The following CDH18 variants were observed in gnomAD, a reference collection of about 807,000 sequenced individuals.
CDH18 encodes cadherin-18.
A neutral mutation model predicts 67.9 loss-of-function variants in CDH18; 31 were observed. The observed-to-expected ratio is 0.46, with a 90% confidence interval of 0.34 to 0.62. The LOEUF is 0.62. Among genes scored for constraint, CDH18 ranks in the 20% least tolerant of loss-of-function variants. The pLI is 0.01. For missense variants in CDH18, 890 were observed against 975.5 expected, an observed-to-expected ratio of 0.91 and a Z score of 1.17; for synonymous variants, 362 against 347.2, an observed-to-expected ratio of 1.04 and a Z score of -0.48.
intron 1 of CDH18, among the ~76,000 whole-genome samples, chr5:20,530,291 A>G (rs1756319014): frequency 6.6e-6 from 1 of 152,038 alleles, no homozygotes; most frequent in African/African-American, 2.4e-5. Context: ...AATCAATATG[A>G]AAATGGCGAT....
At chr5:19,849,967 G>C (rs532644345) in intron 2 of CDH18, among the ~76,000 whole-genome samples, 1 of 151,760 alleles carries the variant, frequency 6.6e-6, no homozygotes, top group Admixed American at 6.6e-5. Context: ...TTCTGTCTTA[G>C]TCCAGCATCT....
chr5:19,870,363 T>G lies in CDH18; in HGVS notation c.-256-31121A>C, dbSNP rs1581722964. On this transcript the variant is annotated intron_variant, in intron 2 of 12. Transcript: ENST00000382275. ...ACTTTATGCTATCCTAATACAGTTT[T>G]GGGAGAAAAGATAGTTTTCTCTAGA... is the stretch of plus-strand genomic sequence containing the variant. 2.0e-5 allele frequency among the ~76,000 whole-genome samples: 3 copies of G among 152,308 alleles called. No individual in the cohort carries two copies. In the South Asian group the frequency reaches 6.2e-4, roughly 32 times the overall value.
chr5:19,534,154 C>T (rs530530579), intron 9 of CDH18, among the ~76,000 whole-genome samples: 28 of 152,008 alleles, frequency 1.8e-4, no homozygotes, highest in African/African-American at 6.8e-4. Context: ...AGGAGTTAAC[C>T]ATGAGCAATA....
rs75093829 is a variant in CDH18, at chr5:19,711,387, C to T, written c.643+9960G>A. On this transcript the variant is annotated intron_variant, in intron 5 of 12. Coordinates refer to ENST00000382275, the MANE Select transcript of CDH18 (RefSeq NM_004934.5). Reference sequence around the variant, plus strand: ...CAGAATCTACAACGAATGCATACAACTCATAAACTACAACAACAACAACAA... The same window carrying T: ...CAGAATCTACAACGAATGCATACAATTCATAAACTACAACAACAACAACAA... Among the ~76,000 whole-genome samples the T allele has an allele frequency of 3.9e-3, 586 of 151,570 alleles. 2 individuals carry two copies. Among genetic ancestry groups the T allele is most frequent in the African/African-American group, 0.014 (568 of 41,312 alleles).
chr5:20,280,140 CT>C (rs1746134629), intron 1 of CDH18, among the ~76,000 whole-genome samples: 1 of 151,276 alleles, frequency 6.6e-6, no homozygotes, highest in African/African-American at 2.4e-5. Context: ...TATGACATTT[CT>C]TTTCTTTTTA....
At chr5:20,498,527 A>C (rs1010018868) in intron 1 of CDH18, among the ~76,000 whole-genome samples, 5 of 152,144 alleles carry the variant, frequency 3.3e-5, no homozygotes, top group Non-Finnish European at 7.4e-5. Flanking sequence ...GACTTAAAAA[A>C]GTGAGAGTTA....
intron 1 of CDH18, among the ~76,000 whole-genome samples, chr5:20,273,570 A>G (rs1248818783): frequency 6.6e-6 from 1 of 152,094 alleles, no homozygotes; most frequent in Non-Finnish European, 1.5e-5. Flanking sequence ...TTGATATTTC[A>G]GGTTTAGTGT....
At chr5:19,833,862 G>A (rs916422948) in intron 3 of CDH18, among the ~76,000 whole-genome samples, 1 of 152,072 alleles carries the variant, frequency 6.6e-6, no homozygotes, top group African/African-American at 2.4e-5. Flanking sequence ...TGAATCCCAG[G>A]GATGAAGCTA....
intron 1 of CDH18, among the ~76,000 whole-genome samples, chr5:20,401,155 G>T (rs1052166337): frequency 1.8e-4 from 27 of 152,156 alleles, no homozygotes; most frequent in Non-Finnish European, 2.9e-4. Flanking sequence ...CAACTGTCTT[G>T]AAATAATATT....
At chr5:19,673,394 G>T (rs1295170403) in intron 5 of CDH18, among the ~76,000 whole-genome samples, 1 of 151,822 alleles carries the variant, frequency 6.6e-6, no homozygotes, top group Non-Finnish European at 1.5e-5. Context: ...ATGATAGTTT[G>T]GAAATGTTAT....
intron 1 of CDH18, among the ~76,000 whole-genome samples, chr5:20,335,353 T>C (rs1023348218): frequency 6.6e-6 from 1 of 152,198 alleles, no homozygotes; most frequent in African/African-American, 2.4e-5. Context: ...TTCACTGTTA[T>C]TTCCTTCAGA....
intron 2 of CDH18, among the ~76,000 whole-genome samples, chr5:20,038,583 T>C (rs1251499592): frequency 1.3e-5 from 2 of 152,144 alleles, no homozygotes; most frequent in African/African-American, 2.4e-5. Flanking sequence ...AACAACCCAA[T>C]GACAAAAGCC....
At chr5:20,025,449 T>G (rs540541160) in intron 2 of CDH18, among the ~76,000 whole-genome samples, 1 of 152,212 alleles carries the variant, frequency 6.6e-6, no homozygotes, top group Non-Finnish European at 1.5e-5. Context: ...ATAATTCTAC[T>G]GTTTTTTTAT....
intron 2 of CDH18, among the ~76,000 whole-genome samples, chr5:20,005,089 A>G (rs1736780488): frequency 6.6e-6 from 1 of 152,230 alleles, no homozygotes; most frequent in Non-Finnish European, 1.5e-5. Context: ...AGGGAATAAT[A>G]GGAAAATACG....
intron 2 of CDH18, among the ~76,000 whole-genome samples, chr5:20,131,154 A>C (rs2126474630): frequency 6.6e-6 from 1 of 152,220 alleles, no homozygotes; most frequent in East Asian, 1.9e-4. Context: ...CTTTTTAAAA[A>C]TGTATTCTTC....
chr5:20,417,727 A>G (rs899216949), intron 1 of CDH18, among the ~76,000 whole-genome samples: 1 of 152,144 alleles, frequency 6.6e-6, no homozygotes, highest in Non-Finnish European at 1.5e-5. Context: ...AATATGGTGC[A>G]CTGTATCATC....
chr5:20,255,313 T>C (rs1276732591), intron 2 of CDH18: 1 of 152,230 alleles, frequency 6.6e-6, no homozygotes, highest in African/African-American at 2.4e-5. Flanking sequence ...AGTGTAATTC[T>C]AGATGATCCT....
chr5:19,703,750 G>A (rs1300320088), intron 5 of CDH18, among the ~76,000 whole-genome samples: 3 of 150,666 alleles, frequency 2.0e-5, no homozygotes, highest in Admixed American at 6.6e-5. Flanking sequence ...GATCAACAGG[G>A]AAATATTATA....
At chr5:20,424,800 T>C (rs1318379987) in intron 1 of CDH18, among the ~76,000 whole-genome samples, 1 of 110,536 alleles carries the variant, frequency 9.0e-6, no homozygotes, top group African/African-American at 3.5e-5. Flanking sequence ...GAGGAAAACA[T>C]GGTTTCAGAC....
Sources: gnomAD v4.1 joint callset for allele counts (sites outside exome capture counted in the v4.1 genomes callset) on GRCh38, gnomAD v4.1.1 for gene constraint, MANE v1.5 for transcripts, NCBI Gene and HGNC (gene_info 2026-07-23, HGNC 2026-07-21) for gene names.